Variants in FAT4 observed in about 807,000 individuals in gnomAD.
FAT4 encodes the protein FAT atypical cadherin 4, also known as protocadherin Fat 4.
In FAT4, 84 loss-of-function variants were observed where a neutral mutation model predicts 303.9. That is an observed-to-expected ratio of 0.28 (90% CI 0.23 to 0.33). The LOEUF (loss-of-function observed/expected upper bound fraction) is 0.33. Ranked by LOEUF, FAT4 falls within the 10% of genes least tolerant of loss-of-function variation. The pLI is 1.00. For missense variants in FAT4, 6,005 were observed against 6,146.8 expected (o/e 0.98, Z 0.77); for synonymous variants, 2,307 against 2,298.8 (o/e 1.00, Z -0.10).
rs372616868 is a variant in FAT4, at chr4:125,448,949, G to A, written c.7939G>A (p.Gly2647Ser). Residue 2647 changes from glycine to serine, a missense_variant, in exon 10 of 18, where the codon GGT becomes AGT. By Grantham distance (56) the Gly-to-Ser change is moderately conservative. Transcript: ENST00000394329. The part of the protein sequence containing the change: ...YVVWIEARDG[G>S]FPPFSSYEKL... ...TGTATGGATAGAGGCCAGAGACGGT[G>A]GTTTCCCTCCTTTCTCCTCTTACGA... The A allele has an allele frequency of 1.2e-6, 2 of 1,613,690 alleles. No homozygotes were observed.
intron 7 of FAT4, among the ~76,000 whole-genome samples, chr4:125,417,745 T>C (rs1735129530): frequency 1.3e-5 from 2 of 152,186 alleles, no homozygotes; most frequent in African/African-American, 4.8e-5. Context: ...TTGGCAGCTC[T>C]AAAAATGAAA....
At chr4:125,404,858 C>T (rs1268671597) in intron 3 of FAT4, among the ~76,000 whole-genome samples, 5 of 152,138 alleles carry the variant, frequency 3.3e-5, no homozygotes, top group Non-Finnish European at 5.9e-5. Flanking sequence ...TCTAATATAA[C>T]ATCCTTAAGG....
chr4:125,442,102 A>G lies in FAT4; in HGVS notation c.7200-4191A>G, dbSNP rs370661964. On this transcript the variant is annotated intron_variant, in intron 8 of 17. Transcript: ENST00000394329. ...ATATCTTTACAATCTGGCCCATTATATAAAAGGTTTGCTGACCACTAGCCT... is the reference window on the plus strand; with the variant it reads ...ATATCTTTACAATCTGGCCCATTATGTAAAAGGTTTGCTGACCACTAGCCT... Among the ~76,000 whole-genome samples, 7 of 152,326 alleles carry G rather than the reference A, an allele frequency of 4.6e-5. 1 individual carries two copies. In the East Asian group the frequency reaches 9.6e-4, roughly 21 times the overall value.
chr4:125,469,854 C>A (rs895011390), intron 12 of FAT4, among the ~76,000 whole-genome samples: 2 of 152,172 alleles, frequency 1.3e-5, no homozygotes, highest in Admixed American at 6.5e-5. Flanking sequence ...TTCCATTAAT[C>A]ATGAATGTTC....
At chr4:125,374,133 G>A (rs1733228434) in intron 2 of FAT4, among the ~76,000 whole-genome samples, 1 of 152,090 alleles carries the variant, frequency 6.6e-6, no homozygotes, top group African/African-American at 2.4e-5. Context: ...CAGTCTGCCG[G>A]TTCTAAAGTT....
intron 2 of FAT4, among the ~76,000 whole-genome samples, chr4:125,348,761 G>A (rs1215416059): frequency 6.6e-6 from 1 of 151,604 alleles, no homozygotes; most frequent in African/African-American, 2.4e-5. Flanking sequence ...TGTGATCGAA[G>A]CCGACATCTT....
intron 2 of FAT4, among the ~76,000 whole-genome samples, chr4:125,384,374 CATATT>C (rs1270714481): frequency 2.6e-5 from 4 of 152,112 alleles, no homozygotes; most frequent in African/African-American, 9.7e-5. Context: ...TTATGTGTGA[CATATT>C]GTATTTTTAA....
intron 2 of FAT4, among the ~76,000 whole-genome samples, chr4:125,324,679 C>T (rs1453117515): frequency 6.6e-6 from 1 of 152,066 alleles, no homozygotes; most frequent in African/African-American, 2.4e-5. Flanking sequence ...CAATCTTATA[C>T]ATTCAGGTAG....
At chr4:125,457,690 T>G in intron 10 of FAT4, among the ~76,000 whole-genome samples, 1 of 152,180 alleles carries the variant, frequency 6.6e-6, no homozygotes, top group South Asian at 2.1e-4. Context: ...AAAAGATGGA[T>G]AAAGTTTATT....
At chr4:125,335,099 T>TAGGA (rs1189088658) in intron 2 of FAT4, among the ~76,000 whole-genome samples, 1 of 152,116 alleles carries the variant, frequency 6.6e-6, no homozygotes, top group East Asian at 1.9e-4. Context: ...ATTTTCTCTG[T>TAGGA]AGGACAAGAC....
chr4:125,373,390 A>T (rs1204912367), intron 2 of FAT4, among the ~76,000 whole-genome samples: 2 of 152,138 alleles, frequency 1.3e-5, no homozygotes, highest in Non-Finnish European at 2.9e-5. Flanking sequence ...TAAAGAGGTG[A>T]TATCTAAAGG....
chr4:125,318,180 T>A lies in FAT4; in HGVS notation c.1769T>A (p.Val590Glu). 1 of 1,614,202 alleles carries A rather than the reference T, an allele frequency of 6.2e-7. No individual in the cohort carries two copies. Among genetic ancestry groups the A allele is most frequent in the Non-Finnish European group, 8.5e-7 (1 of 1,180,042 alleles). The change falls in exon 2 of 18, where the codon GTG becomes GAG. Residue 590 changes from valine (V) to glutamate (E), a missense_variant. By Grantham distance (121) the Val-to-Glu change is moderately radical (BLOSUM62 -2). Transcript: ENST00000394329. ...TTTAGCCAGCCAGAAGGGTATGATG[T>A]GTCTGTGGTTGAGAATGCCCCAACA... ...PVFSQPEGYDVSVVENAPTGT... is the reference protein window; with the variant it reads ...PVFSQPEGYDESVVENAPTGT...
intron 2 of FAT4, among the ~76,000 whole-genome samples, chr4:125,344,019 A>G (rs1731900130): frequency 6.6e-6 from 1 of 152,092 alleles, no homozygotes; most frequent in South Asian, 2.1e-4. Context: ...GTGTATTAGG[A>G]GAGAGAGCCT....
At chr4:125,432,368 G>A (rs1725310745) in intron 7 of FAT4, among the ~76,000 whole-genome samples, 1 of 152,224 alleles carries the variant, frequency 6.6e-6, no homozygotes, top group Non-Finnish European at 1.5e-5. Flanking sequence ...GATGACAGCA[G>A]TGCTGATTTA....
chr4:125,463,203 T>C (rs1004362196), intron 10 of FAT4, among the ~76,000 whole-genome samples: 2 of 152,004 alleles, frequency 1.3e-5, no homozygotes, highest in Non-Finnish European at 2.9e-5. Context: ...AAGAATACTG[T>C]AAGTTTCAAC....
Position 125,489,898 on chromosome 4 carries a change from C to T in FAT4, c.13085-3C>T. ...AAAGCCTTACTCCTTCTTCTTCTCC[C>T]AGCAGGTTTTGATGGCTGCATTGCT... On this transcript the variant is annotated splice_polypyrimidine_tract_variant and splice_region_variant and intron_variant, in intron 17 of 17. Coordinates refer to ENST00000394329, the MANE Select transcript of FAT4 (RefSeq NM_001291303.3). The T allele has an allele frequency of 9.8e-7, 1 of 1,025,230 alleles. No homozygotes were observed. Among genetic ancestry groups the T allele is most frequent in the Non-Finnish European group, 1.3e-6 (1 of 772,060 alleles). The allele number at this position is 1,025,230 out of a possible 1,614,324, so 63.5% of individuals were successfully genotyped here.
rs759554800 is a variant in FAT4, at chr4:125,317,892, T to C, written c.1481T>C (p.Val494Ala). 1 of 1,614,174 alleles carries C rather than the reference T, an allele frequency of 6.2e-7. No homozygotes were observed. The highest frequency in any genetic ancestry group is 1.1e-5 in the South Asian group (1 of 91,072). Residue 494 changes from valine to alanine, a missense_variant, in exon 2 of 18, where the codon GTG (valine) becomes GCG (alanine). Coordinates refer to ENST00000394329, the MANE Select transcript of FAT4 (RefSeq NM_001291303.3). The surrounding 1 kb of genome is among the most constrained non-coding windows in gnomAD (Gnocchi z 7.0). ...GAGGAGGCGCCTCCGGGAAGCTATGTGAGTGGGATATCTGCCACTGATGGC... is the reference window on the plus strand; with the variant it reads ...GAGGAGGCGCCTCCGGGAAGCTATGCGAGTGGGATATCTGCCACTGATGGC... ...LSEEAPPGSY[V>A]SGISATDGDS...
intron 7 of FAT4, among the ~76,000 whole-genome samples, chr4:125,433,957 A>G (rs1309538008): frequency 6.6e-6 from 1 of 152,154 alleles, no homozygotes; most frequent in Non-Finnish European, 1.5e-5. Context: ...GTGGCATTCA[A>G]ATGATATTGT....
chr4:125,476,796 C>A (rs957206597), intron 13 of FAT4, among the ~76,000 whole-genome samples: 4 of 152,216 alleles, frequency 2.6e-5, no homozygotes, highest in African/African-American at 9.6e-5. Context: ...TATTCTTTAT[C>A]ATCTCTTCAG....
Sources: allele counts gnomAD v4.1 joint callset (sites outside exome capture counted in the v4.1 genomes callset), GRCh38; gene constraint gnomAD v4.1.1; non-coding constraint Gnocchi (gnomAD v3.1); transcripts MANE v1.5; gene names NCBI Gene and HGNC (gene_info 2026-07-23, HGNC 2026-07-21).